Variants in COP1 observed in about 807,000 individuals in gnomAD.
COP1 encodes E3 ubiquitin-protein ligase COP1.
In COP1, 24 loss-of-function variants were observed where a neutral mutation model predicts 101.3. That is an observed-to-expected ratio of 0.24 (90% confidence interval 0.17 to 0.33). COP1 has a LOEUF of 0.33. COP1 is among the 10% of genes least tolerant of loss of function. The pLI, the probability that COP1 is intolerant of heterozygous loss-of-function variation, is 1.00. For synonymous variants in COP1, 347 were observed against 341.9 expected (o/e 1.01, Z -0.17); for missense variants, 663 against 906.2 (o/e 0.73, Z 3.45).
chr1:175,968,893 G>A (rs1652685752), intron 18 of COP1, among the ~76,000 whole-genome samples: 1 of 152,198 alleles, frequency 6.6e-6, no homozygotes, highest in East Asian at 1.9e-4. Flanking sequence ...TGCAGCACAT[G>A]TTAACAGTTA....
chr1:176,144,886 A>G (rs1691323044), intron 6 of COP1, among the ~76,000 whole-genome samples: 1 of 152,164 alleles, frequency 6.6e-6, no homozygotes, highest in South Asian at 2.1e-4. Context: ...AGATCTAAAT[A>G]TGAAAGATAA....
chr1:176,182,295 G>A (rs909591512), intron 2 of COP1, among the ~76,000 whole-genome samples: 2 of 152,260 alleles, frequency 1.3e-5, no homozygotes, highest in Admixed American at 6.5e-5. Context: ...CAGCAGCAGA[G>A]AGTGAGTAAC....
At chr1:176,053,607 C>T (rs1672945301) in intron 11 of COP1, among the ~76,000 whole-genome samples, 1 of 152,284 alleles carries the variant, frequency 6.6e-6, no homozygotes, top group South Asian at 2.1e-4. Context: ...ACCCTAAACA[C>T]TTTTTCATTA....
At chr1:175,959,004 T>G (rs1419860871) in intron 18 of COP1, among the ~76,000 whole-genome samples, 1 of 151,626 alleles carries the variant, frequency 6.6e-6, no homozygotes, top group East Asian at 1.9e-4. Flanking sequence ...ACATGGACAA[T>G]GCAAAAAAGG....
chr1:176,066,883 G>A lies in COP1; in HGVS notation c.1277+14269C>T, dbSNP rs569911380. ...AAGTTACATGTGATTGATCCCCTCC[G>A]CCCTTGGAACAGTTGGTTACCAGCT... is the stretch of plus-strand genomic sequence containing the variant. On this transcript the variant is annotated intron_variant, in intron 11 of 19. Coordinates refer to ENST00000367669, the MANE Select transcript of COP1 (RefSeq NM_022457.7). 1.2e-4 allele frequency among the ~76,000 whole-genome samples: 18 copies of A among 152,112 alleles called. No individual in the cohort carries two copies. In the South Asian group the frequency reaches 3.5e-3, roughly 30 times the overall value.
intron 18 of COP1, among the ~76,000 whole-genome samples, chr1:175,963,491 C>T (rs1332036330): frequency 1.2e-4 from 18 of 152,090 alleles, no homozygotes; most frequent in Admixed American, 1.2e-3. Flanking sequence ...AACTGTATCC[C>T]TTATTTAGCT....
At chr1:176,107,936 T>C (rs1203816722) in intron 9 of COP1, among the ~76,000 whole-genome samples, 3 of 152,152 alleles carry the variant, frequency 2.0e-5, no homozygotes, top group Non-Finnish European at 4.4e-5. Context: ...TTCAAGAATG[T>C]TGATGTCATA....
At chr1:175,968,181 A>G (rs544959327) in intron 18 of COP1, among the ~76,000 whole-genome samples, 4 of 152,300 alleles carry the variant, frequency 2.6e-5, no homozygotes, top group Non-Finnish European at 5.9e-5. Flanking sequence ...GAGAAGAATA[A>G]TATTTCCACA....
rs115405484 is a variant in COP1 at position 176,061,641 on chromosome 1, A to T, written c.1278-15317T>A. On this transcript the variant is annotated intron_variant, in intron 11 of 19. Transcript: ENST00000367669. Reference sequence around the variant, plus strand: ...AACTCCGTCTCAAAATAAAAAAAAGAAAAAGAAAAAGAAAAAATGAAACTA... The same window carrying T: ...AACTCCGTCTCAAAATAAAAAAAAGTAAAAGAAAAAGAAAAAATGAAACTA... 5.9e-3 allele frequency among the ~76,000 whole-genome samples: 888 copies of T among 151,536 alleles called. 12 individuals carry two copies. Among genetic ancestry groups the T allele is most frequent in the African/African-American group, 0.021 (851 of 40,828 alleles).
intron 15 of COP1, among the ~76,000 whole-genome samples, chr1:175,998,610 C>T (rs1660864644): frequency 1.3e-5 from 2 of 151,934 alleles, no homozygotes; most frequent in South Asian, 4.1e-4. Context: ...AGGACTTCTG[C>T]AAATTATGAA....
At chr1:176,034,553 A>C (rs1246741636) in intron 14 of COP1, among the ~76,000 whole-genome samples, 2 of 152,202 alleles carry the variant, frequency 1.3e-5, no homozygotes, top group Admixed American at 1.3e-4. Flanking sequence ...AAAGTCTCCT[A>C]AAATGAAACA....
chr1:175,973,499 G>C (rs578241515), intron 18 of COP1, among the ~76,000 whole-genome samples: 1 of 152,240 alleles, frequency 6.6e-6, no homozygotes, highest in Non-Finnish European at 1.5e-5. Flanking sequence ...GTTGCTAAAT[G>C]TTACACATTT....
At chr1:176,199,529 T>A (rs1700063664) in intron 1 of COP1, among the ~76,000 whole-genome samples, 1 of 152,068 alleles carries the variant, frequency 6.6e-6, no homozygotes, top group Non-Finnish European at 1.5e-5. Flanking sequence ...AAGTCAAAAA[T>A]CTTTTAACTA....
rs570812924 is a variant in COP1 at position 176,108,668 on chromosome 1, T to C, written c.1026+7956A>G. Among the ~76,000 whole-genome samples the C allele has an allele frequency of 2.3e-3, 347 of 152,178 alleles. 7 individuals carry two copies. Among genetic ancestry groups the C allele is most frequent in the Non-Finnish European group, 4.0e-4 (27 of 68,012 alleles). On this transcript the variant is annotated intron_variant, in intron 9 of 19. Coordinates refer to ENST00000367669, the MANE Select transcript of COP1 (RefSeq NM_022457.7). ...GATTTTAGCCATAACTATCAGATGATTTCTTTGGTATCTAGTATTATTCTA... is the reference window on the plus strand; with the variant it reads ...GATTTTAGCCATAACTATCAGATGACTTCTTTGGTATCTAGTATTATTCTA...
intron 18 of COP1, among the ~76,000 whole-genome samples, chr1:175,978,904 A>G (rs1655180677): frequency 6.6e-6 from 1 of 152,140 alleles, no homozygotes; most frequent in African/African-American, 2.4e-5. Flanking sequence ...TAGGAGTAGC[A>G]TTTTTTAATT....
At chr1:176,080,476 G>A (rs1266017544) in intron 11 of COP1, among the ~76,000 whole-genome samples, 1 of 152,122 alleles carries the variant, frequency 6.6e-6, no homozygotes, top group Non-Finnish European at 1.5e-5. Flanking sequence ...AAAACCAAGA[G>A]CTGGCTCTCT....
chr1:176,150,241 C>T (rs1192160851), intron 5 of COP1, among the ~76,000 whole-genome samples: 1 of 151,828 alleles, frequency 6.6e-6, no homozygotes, highest in Non-Finnish European at 1.5e-5. Flanking sequence ...AAATAAGAGG[C>T]AAAACAGATC....
At chr1:175,985,159 A>C (rs1656804305) in intron 18 of COP1, among the ~76,000 whole-genome samples, 1 of 152,186 alleles carries the variant, frequency 6.6e-6, no homozygotes, top group Admixed American at 6.5e-5. Flanking sequence ...TTCTCAGTTA[A>C]AATTTTCAAT....
At chr1:176,184,329 T>C (rs1283428695) in intron 2 of COP1, among the ~76,000 whole-genome samples, 2 of 152,144 alleles carry the variant, frequency 1.3e-5, no homozygotes, top group Admixed American at 6.6e-5. Flanking sequence ...TGCTTCATGG[T>C]TGGTCCTGAT....
Sources: gnomAD v4.1 joint callset for allele counts (sites outside exome capture counted in the v4.1 genomes callset) on GRCh38, gnomAD v4.1.1 for gene constraint, MANE v1.5 for transcripts, NCBI Gene and HGNC (gene_info 2026-07-23, HGNC 2026-07-21) for gene names.